Variants in AGBL4 observed in about 807,000 individuals in gnomAD.
The protein encoded by AGBL4 is AGBL carboxypeptidase 4, also known as cytosolic carboxypeptidase 6.
In AGBL4, 58 loss-of-function variants were observed where a neutral mutation model predicts 66.4. The ratio of observed to expected loss-of-function variants is 0.87; its 90% CI spans 0.71 to 1.09. The LOEUF is 1.09. Among genes scored for constraint, AGBL4 ranks in the 50% least tolerant of loss-of-function variants. AGBL4 has a pLI of 0.00. For missense variants in AGBL4, 579 were observed against 631.0 expected (o/e 0.92, Z 0.88); for synonymous variants, 234 against 222.9 (o/e 1.05, Z -0.44).
At chr1:48,678,677 G>T (rs1889702) in intron 6 of AGBL4, among the ~76,000 whole-genome samples, 25,340 of 152,178 alleles carry the variant, frequency 0.17, 5,339 homozygotes, top group African/African-American at 0.49. Flanking sequence ...TAGCTCTTGC[G>T]TTTTAATGGT....
chr1:49,730,178 G>A (rs181069853), intron 2 of AGBL4, among the ~76,000 whole-genome samples: 32 of 152,090 alleles, frequency 2.1e-4, no homozygotes, highest in Admixed American at 7.2e-4. Flanking sequence ...TCTTGTTGTC[G>A]AGAGCTTTCC....
intron 1 of AGBL4, among the ~76,000 whole-genome samples, chr1:50,005,127 T>A (rs1351287856): frequency 6.6e-6 from 1 of 152,064 alleles, no homozygotes; most frequent in African/African-American, 2.4e-5. Flanking sequence ...TGTAGAGCCT[T>A]AGGGACTTGA....
chr1:49,162,551 T>G (rs1646559826), intron 4 of AGBL4, among the ~76,000 whole-genome samples: 3 of 152,236 alleles, frequency 2.0e-5, no homozygotes, highest in African/African-American at 4.8e-5. Context: ...ATTTATATTT[T>G]CATGGAACTG....
intron 2 of AGBL4, among the ~76,000 whole-genome samples, chr1:49,709,746 G>GA (rs1647493010): frequency 2.0e-5 from 3 of 151,794 alleles, no homozygotes; most frequent in South Asian, 2.1e-4. Context: ...AAATTTACAA[G>GA]AAAAAAACAA....
intron 3 of AGBL4, among the ~76,000 whole-genome samples, chr1:49,497,476 GC>G (rs1647708677): frequency 6.6e-6 from 1 of 151,922 alleles, no homozygotes; most frequent in African/African-American, 2.4e-5. Context: ...GTGTCATGAA[GC>G]TTTTCCCCTA....
chr1:49,986,793 TG>T (rs1659537841), intron 1 of AGBL4, among the ~76,000 whole-genome samples: 1 of 152,120 alleles, frequency 6.6e-6, no homozygotes, highest in Non-Finnish European at 1.5e-5. Flanking sequence ...TTACTAAACT[TG>T]AACAGTTAAC....
chr1:49,505,128 C>T (rs1171998036), intron 3 of AGBL4, among the ~76,000 whole-genome samples: 1 of 152,042 alleles, frequency 6.6e-6, no homozygotes, highest in Non-Finnish European at 1.5e-5. Flanking sequence ...TACACTTTCA[C>T]TCCAACTCCC....
At chr1:48,728,378 T>G (rs1031231576) in intron 6 of AGBL4, among the ~76,000 whole-genome samples, 1 of 152,156 alleles carries the variant, frequency 6.6e-6, no homozygotes, top group Non-Finnish European at 1.5e-5. Context: ...TTTGCCTTTT[T>G]TTTTTTCTTT....
At chr1:50,005,366 C>A (rs996950890) in intron 1 of AGBL4, among the ~76,000 whole-genome samples, 1 of 152,108 alleles carries the variant, frequency 6.6e-6, no homozygotes, top group African/African-American at 2.4e-5. Flanking sequence ...AAAATTCTTC[C>A]AGATTTTATC....
At chr1:49,494,095 T>C (rs1647306649) in intron 3 of AGBL4, among the ~76,000 whole-genome samples, 1 of 151,950 alleles carries the variant, frequency 6.6e-6, no homozygotes, top group South Asian at 2.1e-4. Context: ...GTTTAGGGTA[T>C]ATTTTAATTA....
In AGBL4 at chr1:49,650,236, G is replaced by C. The variant is rs775373990; in HGVS notation, c.282+47077C>G. On this transcript the variant is annotated intron_variant, in intron 3 of 13. Coordinates refer to ENST00000371839, the MANE Select transcript of AGBL4 (RefSeq NM_032785.4). ...TGGAAAGCTGAAGGAAGTGAGCCAA[G>C]GTCTGTGAGAGCCCATAGGAAAAAA... is the stretch of plus-strand genomic sequence containing the variant. Among the ~76,000 whole-genome samples, 7 of 152,130 alleles carry C rather than the reference G, an allele frequency of 4.6e-5. No individual in the cohort carries two copies. The South Asian group carries it at 1.4e-3, about 31-fold the overall frequency.
intron 6 of AGBL4, among the ~76,000 whole-genome samples, chr1:48,857,081 T>C (rs1647187739): frequency 1.3e-5 from 2 of 152,232 alleles, no homozygotes. Context: ...CATAGCAGCT[T>C]GTTTTGCTTC....
intron 4 of AGBL4, among the ~76,000 whole-genome samples, chr1:49,179,344 T>C (rs1569956768): frequency 1.3e-5 from 2 of 152,104 alleles, no homozygotes; most frequent in African/African-American, 4.8e-5. Flanking sequence ...ATGAATTATA[T>C]ATAGGGGGTT....
chr1:49,752,575 G>A (rs959437334), intron 2 of AGBL4, among the ~76,000 whole-genome samples: 4 of 152,160 alleles, frequency 2.6e-5, no homozygotes, highest in African/African-American at 4.8e-5. Flanking sequence ...TTCTGTAGAC[G>A]TCTATTGGGT....
intron 3 of AGBL4, among the ~76,000 whole-genome samples, chr1:49,620,531 T>C (rs1033163377): frequency 2.0e-5 from 3 of 152,164 alleles, no homozygotes; most frequent in Non-Finnish European, 2.9e-5. Context: ...GAGTGTCAAT[T>C]AGTTCAACCA....
chr1:49,392,500 A>G (rs953643512), intron 3 of AGBL4, among the ~76,000 whole-genome samples: 1 of 152,188 alleles, frequency 6.6e-6, no homozygotes, highest in Non-Finnish European at 1.5e-5. Flanking sequence ...TTAATAGTGA[A>G]CCACTAATGT....
intron 1 of AGBL4, among the ~76,000 whole-genome samples, chr1:49,878,145 G>C (rs1398124270): frequency 6.9e-6 from 1 of 145,264 alleles, no homozygotes; most frequent in East Asian, 2.0e-4. Flanking sequence ...AGGGTTTTTT[G>C]TGTCTCTATT....
Position 49,697,439 on chromosome 1 carries a change from T to C in AGBL4, c.158-2A>G. The C allele has an allele frequency of 6.7e-7, 1 of 1,503,628 alleles. No individual in the cohort carries two copies. Among genetic ancestry groups the C allele is most frequent in the Non-Finnish European group, 9.0e-7 (1 of 1,111,752 alleles). The allele number at this position is 1,503,628 out of a possible 1,614,324, so 93.1% of individuals were successfully genotyped here. A position where few individuals can be genotyped will look rare whatever the true frequency, so the allele number is the denominator to read the frequency against. Reference sequence around the variant, plus strand: ...CCTGGTCCACCCGGCCCAGGTTACCTGGTAATAAAAATTAAGAGAATTGGA... The same window carrying C: ...CCTGGTCCACCCGGCCCAGGTTACCCGGTAATAAAAATTAAGAGAATTGGA... On this transcript the variant is annotated splice_acceptor_variant, in intron 2 of 13. Transcript: ENST00000371839. LOFTEE classifies it high-confidence loss of function.
intron 6 of AGBL4, among the ~76,000 whole-genome samples, chr1:48,773,944 T>C (rs1644956139): frequency 6.6e-6 from 1 of 152,212 alleles, no homozygotes; most frequent in Non-Finnish European, 1.5e-5. Flanking sequence ...ATTTGATAAG[T>C]AGTGGTATAA....
Sources: allele counts gnomAD v4.1 joint callset (sites outside exome capture counted in the v4.1 genomes callset), GRCh38; gene constraint gnomAD v4.1.1; transcripts MANE v1.5; gene names NCBI Gene and HGNC (gene_info 2026-07-23, HGNC 2026-07-21).